DIPK1A: variants seen among roughly 807,000 people sequenced by gnomAD.
DIPK1A encodes the protein divergent protein kinase domain 1A, also known as family with sequence similarity 69 member A.
A neutral mutation model predicts 40.8 loss-of-function variants in DIPK1A; 27 were observed. That is an observed-to-expected ratio of 0.66 (90% CI 0.49 to 0.91). The LOEUF is 0.91. DIPK1A is among the 40% of genes least tolerant of loss of function. The pLI, the probability that DIPK1A is intolerant of heterozygous loss-of-function variation, is 0.00. For missense variants in DIPK1A, 412 were observed against 505.7 expected (o/e 0.81, Z 1.78); for synonymous variants, 166 against 171.3 (o/e 0.97, Z 0.24).
intron 4 of DIPK1A, chr1:92,834,825 A>G: frequency 6.2e-7 from 1 of 1,612,210 alleles, no homozygotes; most frequent in Non-Finnish European, 8.5e-7. Context: ...TGCGCAGCGT[A>G]TGCACACGAA....
intron 1 of DIPK1A, among the ~76,000 whole-genome samples, chr1:92,914,774 G>GAAA (rs112356216): frequency 2.6e-4 from 34 of 129,610 alleles, no homozygotes; most frequent in Admixed American, 5.5e-4. Flanking sequence ...GTCTCAAAAA[G>GAAA]AAAAAAAAAA....
chr1:92,916,892 A>C (rs1650075790), intron 1 of DIPK1A, among the ~76,000 whole-genome samples: 1 of 152,220 alleles, frequency 6.6e-6, no homozygotes, highest in Non-Finnish European at 1.5e-5. Flanking sequence ...TCTGAAACTC[A>C]AATTTTTCCT....
At position 92,949,335 on chromosome 1, in the gene DIPK1A, C is replaced by T. The variant is rs186270083; in HGVS notation, c.54+12041G>A. On this transcript the variant is annotated intron_variant, in intron 1 of 4. Coordinates refer to ENST00000370310, the MANE Select transcript of DIPK1A (RefSeq NM_001006605.5). The stretch of plus-strand genomic sequence containing the variant: ...TGTTGCCCAGGCTGGAGTGCAATGG[C>T]GCAATCTCAGCTCACTGCAACCTCC... Among the ~76,000 whole-genome samples the T allele has an allele frequency of 6.2e-3, 936 of 150,944 alleles. 8 individuals are homozygous for T. The highest frequency in any genetic ancestry group is 0.02 in the African/African-American group (828 of 41,114).
intron 1 of DIPK1A, among the ~76,000 whole-genome samples, chr1:92,888,255 T>C (rs967794597): frequency 1.3e-5 from 2 of 152,120 alleles, no homozygotes; most frequent in African/African-American, 4.8e-5. Context: ...CTCAACTTTT[T>C]AAACTTTCAC....
intron 1 of DIPK1A, among the ~76,000 whole-genome samples, chr1:92,941,537 TATCTTAAC>T (rs1313655952): frequency 1.3e-5 from 2 of 152,218 alleles, no homozygotes; most frequent in African/African-American, 4.8e-5. Context: ...CGACATTCAC[TATCTTAAC>T]ACAGACACCA....
chr1:92,873,776 A>G (rs998218573), intron 2 of DIPK1A, among the ~76,000 whole-genome samples: 2 of 152,090 alleles, frequency 1.3e-5, no homozygotes, highest in Non-Finnish European at 2.9e-5. Context: ...TTGTGGCAGG[A>G]TCATAGTTCA....
intron 1 of DIPK1A, among the ~76,000 whole-genome samples, chr1:92,907,546 C>A (rs1649672472): frequency 6.6e-6 from 1 of 151,676 alleles, no homozygotes; most frequent in African/African-American, 2.4e-5. Context: ...CTCAAGGGAT[C>A]CCCTCACTTC....
chr1:92,844,936 A>C, intron 4 of DIPK1A, among the ~76,000 whole-genome samples: 1 of 130,698 alleles, frequency 7.7e-6, no homozygotes. Flanking sequence ...ATATATTAGT[A>C]TTTCTTTTTT....
At chr1:92,847,456 A>G in intron 3 of DIPK1A, 97 bp from the exon 4 acceptor site, 1 of 674,290 alleles carries the variant, frequency 1.5e-6, no homozygotes, top group Non-Finnish European at 2.2e-6. Flanking sequence ...TCTGAACAAA[A>G]CAAAACAAGC....
chr1:92,845,646 C>A, intron 4 of DIPK1A: 1 of 220,332 alleles, frequency 4.5e-6, no homozygotes, highest in Non-Finnish European at 9.1e-6. Flanking sequence ...TCGAGACCAG[C>A]CTGGCCAAAA....
rs781454186 is a variant in DIPK1A at position 92,836,112 on chromosome 1, C to T, written c.475-3078G>A. On this transcript the variant is annotated intron_variant, in intron 4 of 4. Coordinates refer to the DIPK1A transcript ENST00000615519. ...CTTTTCCAGATGTCAGTGGTCCTTA[C>T]GGTTATGACATAAGCTATTTTAATT... The T allele has an allele frequency of 1.3e-5, 18 of 1,347,130 alleles. 1 individual carries two copies. The highest frequency in any genetic ancestry group is 4.6e-5 in the East Asian group (2 of 43,596). 83.4% of individuals were successfully genotyped at this position (1,347,130 alleles called of 1,614,324 possible). A position where few individuals can be genotyped will look rare whatever the true frequency, so the allele number is the denominator to read the frequency against.
intron 1 of DIPK1A, among the ~76,000 whole-genome samples, chr1:92,961,137 G>A (rs1319088533): frequency 6.6e-6 from 1 of 151,758 alleles, no homozygotes; most frequent in African/African-American, 2.4e-5. Flanking sequence ...GACGACTCGG[G>A]CCCTGGAGCC....
intron 1 of DIPK1A, among the ~76,000 whole-genome samples, chr1:92,927,636 C>G (rs928638567): frequency 1.6e-4 from 24 of 152,110 alleles, no homozygotes; most frequent in African/African-American, 5.6e-4. Context: ...TTTCCCCAGC[C>G]CAAAGCAAAC....
At chr1:92,873,616 A>G in intron 2 of DIPK1A, among the ~76,000 whole-genome samples, 1 of 137,508 alleles carries the variant, frequency 7.3e-6, no homozygotes, top group Admixed American at 7.1e-5. Flanking sequence ...CTCTGTCTCA[A>G]AAAAAAAAAA....
intron 3 of DIPK1A, among the ~76,000 whole-genome samples, chr1:92,849,701 A>G (rs958745637): frequency 6.6e-6 from 1 of 151,628 alleles, no homozygotes; most frequent in Non-Finnish European, 1.5e-5. Flanking sequence ...TTTAGTAGAG[A>G]GGGGGTATCG....
chr1:92,854,152 G>A (rs1195598452), intron 2 of DIPK1A, among the ~76,000 whole-genome samples: 1 of 151,980 alleles, frequency 6.6e-6, no homozygotes, highest in Non-Finnish European at 1.5e-5. Context: ...CTCCCAAACT[G>A]CTAGATCTAC....
chr1:92,925,229 T>C (rs1364461645), intron 1 of DIPK1A, among the ~76,000 whole-genome samples: 1 of 152,242 alleles, frequency 6.6e-6, no homozygotes, highest in Non-Finnish European at 1.5e-5. Context: ...GCTTTATGTA[T>C]GTTCATAAGA....
At chr1:92,902,887 G>T (rs1571109474) in intron 1 of DIPK1A, among the ~76,000 whole-genome samples, 1 of 152,138 alleles carries the variant, frequency 6.6e-6, no homozygotes, top group African/African-American at 2.4e-5. Context: ...TCTTTGTGAG[G>T]ATGATGACCA....
chr1:92,885,340 C>T (rs1377525069), intron 1 of DIPK1A, among the ~76,000 whole-genome samples: 1 of 152,036 alleles, frequency 6.6e-6, no homozygotes, highest in Non-Finnish European at 1.5e-5. Context: ...TCTTTAACAA[C>T]AACAACAACA....
Sources: allele counts gnomAD v4.1 joint callset (sites outside exome capture counted in the v4.1 genomes callset), GRCh38; gene constraint gnomAD v4.1.1; transcripts MANE v1.5; gene names NCBI Gene and HGNC (gene_info 2026-07-23, HGNC 2026-07-21).